The following PPT1 variants were observed in gnomAD, a reference collection of about 807,000 sequenced individuals.
The protein encoded by PPT1 is ceroid-palmitoyl-palmitoyl-protein thioesterase 1.
PPT1 carries 24 observed loss-of-function variants against 44.0 expected under a neutral mutation model. The ratio of observed to expected loss-of-function variants is 0.54; its 90% CI spans 0.39 to 0.77. The LOEUF (loss-of-function observed/expected upper bound fraction) is 0.77. Ranked by LOEUF, PPT1 falls within the 30% of genes least tolerant of loss-of-function variation. The probability of loss-of-function intolerance (pLI) is 0.00; values close to 1 mark genes in which losing one functional copy is unlikely to be tolerated. For missense variants in PPT1, 341 were observed against 378.8 expected, an observed-to-expected ratio of 0.90 and a Z score of 0.83; for synonymous variants, 148 against 140.2, an observed-to-expected ratio of 1.06 and a Z score of -0.39.
intron 4 of PPT1, among the ~76,000 whole-genome samples, chr1:40,090,452 CTA>C (rs933258386): frequency 2.1e-5 from 3 of 145,166 alleles, no homozygotes; most frequent in African/African-American, 7.6e-5. Context: ...ATATATATGT[CTA>C]TGTATGTATG....
rs2124474560 is a variant in PPT1 at position 40,080,469 on chromosome 1, G to A, written c.555C>T (p.Tyr185=). The stretch of plus-strand genomic sequence containing the variant: ...CATCCTCCTTTATGGGGTCATGCCA[G>A]TATTCGGCTTGCACGAGGCTGTAGG... ...VVQERLVQAE[Y]WHDPIKEDVY... Residue 185 remains tyrosine, a synonymous_variant, in exon 6 of 9, where the codon TAC becomes TAT. Coordinates refer to ENST00000642050, the MANE Select transcript of PPT1 (RefSeq NM_000310.4). 5 of 1,613,942 alleles carry A rather than the reference G, an allele frequency of 3.1e-6. No homozygotes were observed. The highest frequency in any genetic ancestry group is 2.2e-5 in the South Asian group (2 of 91,076).
rs373867152 is a variant in PPT1 at position 40,092,170 on chromosome 1, G to A, written c.237C>T (p.Asp79=). Residue 79 remains aspartate, a splice_region_variant and synonymous_variant, in exon 3 of 9, where the codon GAC becomes GAT. Coordinates refer to ENST00000642050, the MANE Select transcript of PPT1 (RefSeq NM_000310.4). ...CATTCAAGAAGAAGCTGTTCTCCAC[G>A]TCCTAAAAAAGAAGCCAGAGAGAAG... ...SLEIGKTLME[D]VENSFFLNVN... 1.1e-5 allele frequency: 17 copies of A among 1,613,950 alleles called. No homozygotes were observed. Among genetic ancestry groups the A allele is most frequent in the Admixed American group, 3.3e-5 (2 of 59,992 alleles).
intron 4 of PPT1, 55 bp downstream of exon 4, chr1:40,091,274 C>A (rs1649547895): frequency 1.3e-6 from 2 of 1,530,450 alleles, no homozygotes; most frequent in South Asian, 2.3e-5. Context: ...TTTTTTAAAT[C>A]AGGTGGTCAT....
intron 8 of PPT1, chr1:40,076,622 A>G: frequency 7.3e-7 from 1 of 1,378,530 alleles, no homozygotes; most frequent in Non-Finnish European, 9.4e-7. Flanking sequence ...ATAAGGTTTC[A>G]GGATGTAGTG....
chr1:40,089,778 A>G (rs976255589), intron 4 of PPT1, among the ~76,000 whole-genome samples: 3 of 152,140 alleles, frequency 2.0e-5, no homozygotes, highest in African/African-American at 7.2e-5. Context: ...TTCAGCTCTC[A>G]GGTCTTGGTC....
chr1:40,077,361 A>T (rs1387010840), intron 7 of PPT1, among the ~76,000 whole-genome samples: 1 of 152,252 alleles, frequency 6.6e-6, no homozygotes, highest in Non-Finnish European at 1.5e-5. Flanking sequence ...CATTGCTGCC[A>T]CTGTAACAAA....
In PPT1 at chr1:40,089,390, T is replaced by C. The variant is rs779620553; in HGVS notation, c.536+20A>G. Reference sequence around the variant, plus strand: ...TCACACGGTGACAGGTCTGTAATCTTTTCAGCTAACCATACATACCGTTCC... The same window carrying C: ...TCACACGGTGACAGGTCTGTAATCTCTTCAGCTAACCATACATACCGTTCC... On this transcript the variant is annotated intron_variant, in intron 5 of 8. Transcript: ENST00000642050. The C allele has an allele frequency of 1.3e-6, 2 of 1,597,394 alleles. No homozygotes were observed. Among genetic ancestry groups the C allele is most frequent in the Non-Finnish European group, 1.7e-6 (2 of 1,164,802 alleles).
chr1:40,083,266 A>G (rs1296060457), intron 5 of PPT1, among the ~76,000 whole-genome samples: 5 of 152,170 alleles, frequency 3.3e-5, no homozygotes, highest in African/African-American at 1.2e-4. Context: ...TGGGCAACAT[A>G]GCAAGACCCC....
chr1:40,076,217 C>G (rs1380648047), intron 8 of PPT1, among the ~76,000 whole-genome samples: 3 of 152,056 alleles, frequency 2.0e-5, no homozygotes, highest in African/African-American at 7.2e-5. Flanking sequence ...GTAATCCCAG[C>G]ACTTTGGGAG....
In PPT1 at chr1:40,074,386, C is replaced by T. The variant is rs191619066; in HGVS notation, c.799-203G>A. Reference sequence around the variant, plus strand: ...TCTTTTTCTTTCTTTCTCTTTCTTCCTTTCTTTTCTTTCTTCTCTCCTCCC... The same window carrying T: ...TCTTTTTCTTTCTTTCTCTTTCTTCTTTTCTTTTCTTTCTTCTCTCCTCCC... On this transcript the variant is annotated intron_variant, in intron 8 of 8. Coordinates refer to ENST00000642050, the MANE Select transcript of PPT1 (RefSeq NM_000310.4). Among the ~76,000 whole-genome samples the T allele has an allele frequency of 6.6e-3, 994 of 149,706 alleles. 9 individuals carry two copies. Among genetic ancestry groups the T allele is most frequent in the African/African-American group, 0.024 (957 of 40,492 alleles).
Position 40,073,347 on chromosome 1 carries a change from C to G in PPT1, c.*714G>C, listed in dbSNP as rs1035648540. ...AGCTGCCTCACTTTTCACTTTCGCG[C>G]CTACATTTTCTTCGCTCCCTAAGTT... On this transcript the variant is annotated 3_prime_UTR_variant, in exon 9 of 9. Coordinates refer to ENST00000642050, the MANE Select transcript of PPT1 (RefSeq NM_000310.4). The G allele has an allele frequency of 1.3e-5, 2 of 152,372 alleles. No individual in the cohort carries two copies. The highest frequency in any genetic ancestry group is 3.8e-4 in the East Asian group (2 of 5,202). 9.4% of individuals were successfully genotyped at this position (152,372 alleles called of 1,614,324 possible).
chr1:40,076,316 T>G (rs1378388997), intron 8 of PPT1, among the ~76,000 whole-genome samples: 1 of 151,822 alleles, frequency 6.6e-6, no homozygotes, highest in Non-Finnish European at 1.5e-5. Flanking sequence ...AATACAAAAA[T>G]TAGCCAGGTG....
At chr1:40,091,821 C>T (rs528720318) in intron 3 of PPT1, among the ~76,000 whole-genome samples, 16 of 149,924 alleles carry the variant, frequency 1.1e-4, no homozygotes, top group East Asian at 2.0e-4. Context: ...GCTGAGATCG[C>T]GCCACTGCAC....
rs368431496 is a variant in PPT1 at position 40,084,829 on chromosome 1, C to T, written c.537-4342G>A. Among the ~76,000 whole-genome samples the T allele has an allele frequency of 1.6e-4, 24 of 152,306 alleles. No individual in the cohort carries two copies. In the East Asian group the frequency reaches 2.7e-3, roughly 17 times the overall value. On this transcript the variant is annotated intron_variant, in intron 5 of 8. Coordinates refer to ENST00000642050, the MANE Select transcript of PPT1 (RefSeq NM_000310.4). ...CTGAAGGGACATGCTCAGAAGTGAC[C>T]AGAAGACAATAGTGTGAGCCCTCTG... is the stretch of plus-strand genomic sequence containing the variant.
intron 5 of PPT1, among the ~76,000 whole-genome samples, chr1:40,081,365 G>A (rs1178516881): frequency 9.9e-5 from 15 of 151,804 alleles, no homozygotes; most frequent in Non-Finnish European, 1.9e-4. Flanking sequence ...AGGAAACCCC[G>A]TCTCTACTAA....
chr1:40,093,883 CAAAAA>C (rs11345893), intron 1 of PPT1: 989 of 447,856 alleles, frequency 2.2e-3, no homozygotes, highest in South Asian at 5.1e-3. Flanking sequence ...GGCTCCATCT[CAAAAA>C]AAAAAAAAAA....
At chr1:40,089,379 G>T in intron 5 of PPT1, 31 bp downstream of exon 5, 1 of 1,545,774 alleles carries the variant, frequency 6.5e-7, no homozygotes, top group Non-Finnish European at 8.9e-7. Flanking sequence ...ACGGTGACAG[G>T]TCTGTAATCT....
chr1:40,080,272 A>T, intron 6 of PPT1, 125 bp downstream of exon 6: 3 of 1,038,038 alleles, frequency 2.9e-6, no homozygotes, highest in Non-Finnish European at 4.5e-6. Context: ...CCCAAAAAAA[A>T]CAGAACTTCT....
At chr1:40,089,269 A>G (rs1649423101) in intron 5 of PPT1, 141 bp downstream of exon 5, 1 of 381,742 alleles carries the variant, frequency 2.6e-6, no homozygotes. Flanking sequence ...CTGGGCAACA[A>G]GAGCGAAACT....
Sources: gnomAD v4.1 joint callset for allele counts (sites outside exome capture counted in the v4.1 genomes callset) on GRCh38, gnomAD v4.1.1 for gene constraint, MANE v1.5 for transcripts, NCBI Gene and HGNC (gene_info 2026-07-23, HGNC 2026-07-21) for gene names.